The following DMRT2 variants were observed in gnomAD, a reference collection of about 807,000 sequenced individuals.
DMRT2 encodes the protein doublesex and mab-3 related transcription factor 2, also known as doublesex- and mab-3-related transcription factor 2.
Under a neutral mutation model 43.5 loss-of-function variants are expected in DMRT2, and 33 were observed. The ratio of observed to expected loss-of-function variants is 0.76; its 90% CI spans 0.58 to 1.01. DMRT2 has a LOEUF of 1.01. Among genes scored for constraint, DMRT2 ranks in the 50% least tolerant of loss-of-function variants. DMRT2 has a pLI of 0.00. For missense variants in DMRT2, 1,064 were observed against 748.0 expected (o/e 1.42, Z -4.93); for synonymous variants, 395 against 309.2 (o/e 1.28, Z -2.91).
chr9:1,050,985 A>G (rs979528718), intron 1 of DMRT2, among the ~76,000 whole-genome samples: 3 of 152,148 alleles, frequency 2.0e-5, no homozygotes, highest in African/African-American at 4.8e-5. Flanking sequence ...TGGGACGCTA[A>G]TGACAACAAA....
intron 3 of DMRT2, 151 bp downstream of exon 3, chr9:1,053,975 C>A: frequency 1.6e-6 from 1 of 610,726 alleles, no homozygotes; most frequent in Non-Finnish European, 2.7e-6. Flanking sequence ...TCGCTGAGCC[C>A]GTACGCTAAA....
At position 1,051,705 on chromosome 9, in the gene DMRT2, G is replaced by T. The variant is rs951043789; in HGVS notation, c.92G>T (p.Arg31Leu). 9.7e-6 allele frequency: 15 copies of T among 1,549,560 alleles called. No homozygotes were observed. The highest frequency in any genetic ancestry group is 1.3e-5 in the Non-Finnish European group (15 of 1,153,874). The change falls in exon 2 of 4, where the codon CGG becomes CTG. Residue 31 changes from arginine to leucine, a missense_variant. Physicochemically the swap from Arg to Leu is moderately radical, Grantham distance 102. Coordinates refer to ENST00000358146, the MANE Select transcript of DMRT2 (RefSeq NM_181872.6). This position sits in a 1 kb window ranked among gnomAD's most constrained non-coding sequence, Gnocchi z 5.9. ...GAAGAGGACGTCTGCGGGGCGCCGC[G>T]GTCCACGCCCCCCGGGCCCAGCCCG... ...ELEEDVCGAP[R>L]STPPGPSPPP...
intron 3 of DMRT2, chr9:1,055,987 C>A: frequency 7.1e-7 from 1 of 1,405,120 alleles, no homozygotes; most frequent in Non-Finnish European, 9.2e-7. Flanking sequence ...CAACAAGCAA[C>A]AAGAACAAGA....
rs889239430 is a variant in DMRT2 at position 1,050,558 on chromosome 9, A to T, written c.-262A>T. ...GATGTGCTGGGCTAGGTCGCTGAGGACTTGACTGGCTTCCTCCCTCCTTCC... is the reference window on the plus strand; with the variant it reads ...GATGTGCTGGGCTAGGTCGCTGAGGTCTTGACTGGCTTCCTCCCTCCTTCC... On this transcript the variant is annotated 5_prime_UTR_variant, in exon 1 of 4. Transcript: ENST00000358146. The T allele has an allele frequency of 6.5e-6, 1 of 152,744 alleles. No homozygotes were observed. Among genetic ancestry groups the T allele is most frequent in the Non-Finnish European group, 1.5e-5 (1 of 68,278 alleles). The allele number at this position is 152,744 out of a possible 1,614,324, so 9.5% of individuals were successfully genotyped here.
chr9:1,050,730 C>G lies in DMRT2; in HGVS notation c.-90C>G, dbSNP rs1168996076. ...GCAGCCCTAGCGCCAGATCCTAAAG[C>G]TGGATATCTTTTAACTGGGCTACCA... On this transcript the variant is annotated 5_prime_UTR_variant, in exon 1 of 4. Transcript: ENST00000358146. 1 of 152,274 alleles carries G rather than the reference C, an allele frequency of 6.6e-6. No homozygotes were observed. The highest frequency in any genetic ancestry group is 1.5e-5 in the Non-Finnish European group (1 of 68,078). 9.4% of individuals were successfully genotyped at this position (152,274 alleles called of 1,614,324 possible).
chr9:1,053,640 G>C, intron 2 of DMRT2, 82 bp from the exon 3 acceptor site: 1 of 1,201,994 alleles, frequency 8.3e-7, no homozygotes, highest in Middle Eastern at 2.3e-4. Flanking sequence ...GTTTCTAGAA[G>C]ATTTACGGAC....
At chr9:1,053,662 C>T in intron 2 of DMRT2, 60 bp from the exon 3 acceptor site, 8 of 1,410,894 alleles carry the variant, frequency 5.7e-6, no homozygotes, top group South Asian at 1.2e-5. Flanking sequence ...TCCCGTCCTT[C>T]CCCCTTCTCG....
In DMRT2 at chr9:1,051,964, G is replaced by A. The variant is rs1284844223; in HGVS notation, c.351G>A (p.Leu117=). ...PAGGGAEPRK[L]SRTPKCARCR... ...GCGGCGGCGCGGAGCCGCGCAAGCTGAGCCGCACGCCCAAGTGCGCGCGCT... is the reference window on the plus strand; with the variant it reads ...GCGGCGGCGCGGAGCCGCGCAAGCTAAGCCGCACGCCCAAGTGCGCGCGCT... The change falls in exon 2 of 4, where the codon CTG becomes CTA. Residue 117 remains leucine, a synonymous_variant. Coordinates refer to ENST00000358146, the MANE Select transcript of DMRT2 (RefSeq NM_181872.6). The surrounding 1 kb of genome is among the most constrained non-coding windows in gnomAD (Gnocchi z 5.9). 4.2e-6 allele frequency: 6 copies of A among 1,417,580 alleles called. No homozygotes were observed. The highest frequency in any genetic ancestry group is 4.6e-6 in the Non-Finnish European group (5 of 1,092,150). The allele number at this position is 1,417,580 out of a possible 1,614,324, so 87.8% of individuals were successfully genotyped here.
chr9:1,052,882 G>C (rs1391103301), intron 2 of DMRT2: 1 of 152,374 alleles, frequency 6.6e-6, no homozygotes, highest in African/African-American at 2.4e-5. Context: ...CCTCCTCCCA[G>C]ACTCAGGACC....
chr9:1,052,967 A>AC (rs1178758733), intron 2 of DMRT2: 1 of 152,212 alleles, frequency 6.6e-6, no homozygotes, highest in Non-Finnish European at 1.5e-5. Context: ...GAAGGCAGTA[A>AC]CCCCACTGGA....
rs939166019 is a variant in DMRT2 at position 1,053,424 on chromosome 9, G to C, written c.526-298G>C. Among the ~76,000 whole-genome samples the C allele has an allele frequency of 3.9e-5, 6 of 152,268 alleles. No homozygotes were observed. The East Asian group carries it at 5.8e-4, about 15-fold the overall frequency. On this transcript the variant is annotated intron_variant, in intron 2 of 3. Transcript: ENST00000358146. The stretch of plus-strand genomic sequence containing the variant: ...GGATTTCACTTTTTCACTTCCCTCC[G>C]GGATGTCCCCTCACTTCTGGCCATA...
At chr9:1,050,935 T>C (rs1174593488) in intron 1 of DMRT2, among the ~76,000 whole-genome samples, 160 bp downstream of exon 1, 1 of 152,192 alleles carries the variant, frequency 6.6e-6, no homozygotes, top group Non-Finnish European at 1.5e-5. Flanking sequence ...CAGGTACTAT[T>C]AAGGCTGGAC....
In DMRT2 at chr9:1,057,416, A is replaced by T; in HGVS notation, c.*143A>T. On this transcript the variant is annotated 3_prime_UTR_variant, in exon 4 of 4. Coordinates refer to ENST00000358146, the MANE Select transcript of DMRT2 (RefSeq NM_181872.6). ...TTTTGAAAAATTTTATATATTCCTA[A>T]TATGCATGTACTTTTTCTTATCACA... 1.2e-6 allele frequency: 1 copy of T among 852,350 alleles called. No individual in the cohort carries two copies. The highest frequency in any genetic ancestry group is 1.7e-6 in the Non-Finnish European group (1 of 573,698). The allele number at this position is 852,350 out of a possible 1,614,324, so 52.8% of individuals were successfully genotyped here.
At position 1,056,378 on chromosome 9, in the gene DMRT2, A is replaced by T. The variant is rs1403868554; in HGVS notation, c.791A>T (p.Gln264Leu). The change falls in exon 4 of 4, where the codon CAA becomes CTA. Residue 264 changes from glutamine (Q) to leucine (L), a missense_variant. Gln to Leu is a moderately radical substitution (Grantham distance 113). Coordinates refer to ENST00000358146, the MANE Select transcript of DMRT2 (RefSeq NM_181872.6). ...GAAAGGGAGATGTTGGAAACTTCTC[A>T]AGCTGCTGCTCTGTTTCTGCCCAAC... ...YKEREMLETS[Q>L]AAALFLPNRM... 6.2e-7 allele frequency: 1 copy of T among 1,614,074 alleles called. No homozygotes were observed. Among genetic ancestry groups the T allele is most frequent in the East Asian group, 2.2e-5 (1 of 44,876 alleles).
Position 1,051,923 on chromosome 9 carries a change from C to G in DMRT2, c.310C>G (p.Arg104Gly). The change falls in exon 2 of 4, where the codon CGC (arginine) becomes GGC (glycine). Residue 104 changes from arginine (R) to glycine (G), a missense_variant. Transcript: ENST00000358146. This position sits in a 1 kb window ranked among gnomAD's most constrained non-coding sequence, Gnocchi z 5.9. ...ASPAGTGPRE[R>G]CTPAGGGAEP... ...ACCCGCCGGCACCGGTCCCCGAGAG[C>G]GCTGCACTCCCGCGGGCGGCGGCGC... 1 of 1,360,686 alleles carries G rather than the reference C, an allele frequency of 7.3e-7. No individual in the cohort carries two copies. Among genetic ancestry groups the G allele is most frequent in the Non-Finnish European group, 9.4e-7 (1 of 1,066,476 alleles). The allele number at this position is 1,360,686 out of a possible 1,614,324, so 84.3% of individuals were successfully genotyped here. A position where few individuals can be genotyped will look rare whatever the true frequency, so the allele number is the denominator to read the frequency against.
chr9:1,052,142 C>A lies in DMRT2; in HGVS notation c.525+4C>A, dbSNP rs1490202024. On this transcript the variant is annotated splice_donor_region_variant and intron_variant, in intron 2 of 3. Transcript: ENST00000358146. ...CCGGAGGCAGCAGGCCACCGAGGTG[C>A]GTACCCGCCCGGCCCGGGCGTCTCA... The A allele has an allele frequency of 3.6e-6, 5 of 1,380,084 alleles. No homozygotes were observed. The African/African-American group carries it at 7.6e-5, about 21-fold the overall frequency. 85.5% of individuals were successfully genotyped at this position (1,380,084 alleles called of 1,614,324 possible). A position where few individuals can be genotyped will look rare whatever the true frequency, so the allele number is the denominator to read the frequency against.
At position 1,051,781 on chromosome 9, in the gene DMRT2, C is replaced by A. The variant is rs781086869; in HGVS notation, c.168C>A (p.Asp56Glu). 1.1e-5 allele frequency: 17 copies of A among 1,515,286 alleles called. No individual in the cohort carries two copies. In the South Asian group the frequency reaches 2.0e-4, roughly 17 times the overall value. 93.9% of individuals were successfully genotyped at this position (1,515,286 alleles called of 1,614,324 possible). The change falls in exon 2 of 4, where the codon GAC (aspartate) becomes GAA (glutamate). Residue 56 changes from aspartate (D) to glutamate (E), a missense_variant. Transcript: ENST00000358146. The surrounding 1 kb of genome is among the most constrained non-coding windows in gnomAD (Gnocchi z 5.9). ...CEDDEDDDGV[D>E]EDAEEEGDGE... ...ACGACGAAGATGACGACGGGGTGGACGAAGACGCGGAAGAAGAGGGCGACG... is the reference window on the plus strand; with the variant it reads ...ACGACGAAGATGACGACGGGGTGGAAGAAGACGCGGAAGAAGAGGGCGACG...
Position 1,051,922 on chromosome 9 carries a change from G to A in DMRT2, c.309G>A (p.Glu103=), listed in dbSNP as rs1266832538. ...CACCCGCCGGCACCGGTCCCCGAGA[G>A]CGCTGCACTCCCGCGGGCGGCGGCG... ...QASPAGTGPR[E]RCTPAGGGAE... The change falls in exon 2 of 4, where the codon GAG becomes GAA. Residue 103 remains glutamate (E), a synonymous_variant. Transcript: ENST00000358146. The surrounding 1 kb of genome is among the most constrained non-coding windows in gnomAD (Gnocchi z 5.9). 7 of 1,364,392 alleles carry A rather than the reference G, an allele frequency of 5.1e-6. No homozygotes were observed. The highest frequency in any genetic ancestry group is 9.4e-7 in the Non-Finnish European group (1 of 1,068,882). The allele number at this position is 1,364,392 out of a possible 1,614,324, so 84.5% of individuals were successfully genotyped here.
rs1045945890 is a variant in DMRT2, at chr9:1,051,386, G to A, written c.-44-184G>A. 2.0e-5 allele frequency among the ~76,000 whole-genome samples: 3 copies of A among 152,232 alleles called. No homozygotes were observed. Among genetic ancestry groups the A allele is most frequent in the African/African-American group, 4.8e-5 (2 of 41,464 alleles). ...AATAAAATAAAACCTTTGTTGGGTT[G>A]TGGATCCCTGGGGGCCCTGGAGATA... On this transcript the variant is annotated intron_variant, in intron 1 of 3. Coordinates refer to ENST00000358146, the MANE Select transcript of DMRT2 (RefSeq NM_181872.6). This position sits in a 1 kb window ranked among gnomAD's most constrained non-coding sequence, Gnocchi z 5.9.
Sources: gnomAD v4.1 joint callset for allele counts (sites outside exome capture counted in the v4.1 genomes callset) on GRCh38, gnomAD v4.1.1 for gene constraint, Gnocchi (gnomAD v3.1) non-coding constraint, MANE v1.5 for transcripts, NCBI Gene and HGNC (gene_info 2026-07-23, HGNC 2026-07-21) for gene names.